The following CDKAL1 variants were observed in gnomAD, a reference collection of about 807,000 sequenced individuals.
CDKAL1 encodes the protein threonylcarbamoyladenosine tRNA methylthiotransferase.
CDKAL1 carries 32 observed loss-of-function variants against 68.2 expected under a neutral mutation model. The ratio of observed to expected loss-of-function variants is 0.47; its 90% CI spans 0.35 to 0.63. The LOEUF (loss-of-function observed/expected upper bound fraction) is 0.63. Among genes scored for constraint, CDKAL1 ranks in the 30% least tolerant of loss-of-function variants. CDKAL1 has a pLI of 0.00. For synonymous variants in CDKAL1, 234 were observed against 244.3 expected, an observed-to-expected ratio of 0.96 and a Z score of 0.39; for missense variants, 606 against 696.7, an observed-to-expected ratio of 0.87 and a Z score of 1.47.
chr6:20,883,573 C>T (rs985009652), intron 9 of CDKAL1, among the ~76,000 whole-genome samples: 5 of 152,194 alleles, frequency 3.3e-5, no homozygotes, highest in East Asian at 1.9e-4. Context: ...ACTAAATAGC[C>T]GCATGTGGCT....
At chr6:20,864,723 A>T (rs750976461) in intron 9 of CDKAL1, among the ~76,000 whole-genome samples, 23 of 152,210 alleles carry the variant, frequency 1.5e-4, no homozygotes, top group Non-Finnish European at 3.4e-4. Flanking sequence ...CAAATTGAAT[A>T]TCAGCTATTT....
At chr6:20,895,984 A>G (rs1761659478) in intron 9 of CDKAL1, among the ~76,000 whole-genome samples, 1 of 152,124 alleles carries the variant, frequency 6.6e-6, no homozygotes, top group African/African-American at 2.4e-5. Context: ...AATATGTAAA[A>G]CAAACATATA....
intron 10 of CDKAL1, among the ~76,000 whole-genome samples, chr6:20,982,484 A>G (rs1472311571): frequency 6.6e-6 from 1 of 152,158 alleles, no homozygotes; most frequent in Non-Finnish European, 1.5e-5. Flanking sequence ...GTAATTTACA[A>G]CACATTTGCT....
At chr6:21,193,576 C>G (rs534765486) in intron 13 of CDKAL1, among the ~76,000 whole-genome samples, 1 of 152,326 alleles carries the variant, frequency 6.6e-6, no homozygotes. Context: ...ATAGTCAGGT[C>G]TCTTTCATCT....
At chr6:20,813,194 A>T (rs114011648) in intron 8 of CDKAL1, among the ~76,000 whole-genome samples, 1,955 of 152,020 alleles carry the variant, frequency 0.013, 32 homozygotes, top group African/African-American at 0.045. Context: ...TGATCTCCCC[A>T]CTTTGGCCTC....
intron 9 of CDKAL1, among the ~76,000 whole-genome samples, chr6:20,875,325 A>AAAAG (rs1760455119): frequency 6.7e-6 from 1 of 149,754 alleles, no homozygotes; most frequent in South Asian, 2.1e-4. Flanking sequence ...AAAAAAAAAA[A>AAAAG]AAAAAAGTCT....
rs1000408818 is a variant in CDKAL1 at position 21,099,080 on chromosome 6, A to AC, written c.1237-9317dup. 1.1e-4 allele frequency among the ~76,000 whole-genome samples: 17 copies of AC among 152,040 alleles called. No individual in the cohort carries two copies. In the East Asian group the frequency reaches 3.3e-3, roughly 29 times the overall value. On this transcript the variant is annotated intron_variant, in intron 12 of 15. Coordinates refer to ENST00000274695, the MANE Select transcript of CDKAL1 (RefSeq NM_017774.3). ...CTCATCACCTGGAGAAATTTTTAAA[A>AC]CCCCAACTCCTGGGCTGCACCCTGT...
intron 13 of CDKAL1, among the ~76,000 whole-genome samples, chr6:21,114,267 A>G (rs1032709246): frequency 4.3e-5 from 6 of 140,216 alleles, no homozygotes; most frequent in South Asian, 2.3e-4. Context: ...AAAAAAAAAA[A>G]GCAGCAAAAG....
chr6:21,099,166 T>G (rs1223893802), intron 12 of CDKAL1, among the ~76,000 whole-genome samples: 3 of 152,176 alleles, frequency 2.0e-5, no homozygotes, highest in Non-Finnish European at 4.4e-5. Context: ...CCCCAGGTGA[T>G]TCCAATTTGC....
At chr6:20,597,961 A>G (rs888751917) in intron 4 of CDKAL1, among the ~76,000 whole-genome samples, 5 of 152,116 alleles carry the variant, frequency 3.3e-5, no homozygotes, top group Admixed American at 1.3e-4. Flanking sequence ...TTAAGTTTCC[A>G]CTACTGAGTG....
At chr6:21,010,903 G>A (rs1767974717) in intron 11 of CDKAL1, among the ~76,000 whole-genome samples, 1 of 151,298 alleles carries the variant, frequency 6.6e-6, no homozygotes, top group South Asian at 2.1e-4. Flanking sequence ...CTAACATGGT[G>A]AACCCTGTCT....
intron 10 of CDKAL1, among the ~76,000 whole-genome samples, chr6:20,960,863 C>T (rs879714571): frequency 2.0e-5 from 3 of 152,110 alleles, no homozygotes; most frequent in Non-Finnish European, 2.9e-5. Context: ...AATACTATAG[C>T]GATAGATAGT....
intron 4 of CDKAL1, among the ~76,000 whole-genome samples, chr6:20,634,539 G>T (rs1299394719): frequency 6.6e-6 from 1 of 152,208 alleles, no homozygotes; most frequent in South Asian, 2.1e-4. Context: ...TTATTGCAAT[G>T]GTCCAGGTGT....
intron 13 of CDKAL1, among the ~76,000 whole-genome samples, chr6:21,187,489 A>T (rs961001163): frequency 3.3e-5 from 5 of 152,218 alleles, no homozygotes; most frequent in Non-Finnish European, 5.9e-5. Context: ...AAGCTTTCTT[A>T]TGCCATAAAG....
chr6:21,117,281 A>G (rs1774462802), intron 13 of CDKAL1, among the ~76,000 whole-genome samples: 1 of 122,358 alleles, frequency 8.2e-6, no homozygotes, highest in African/African-American at 3.6e-5. Flanking sequence ...CAAATTTCAG[A>G]TAAATTGTTT....
intron 11 of CDKAL1, among the ~76,000 whole-genome samples, chr6:21,043,202 A>G (rs941308468): frequency 6.6e-6 from 1 of 152,206 alleles, no homozygotes; most frequent in Admixed American, 6.5e-5. Context: ...GTTATAGAGC[A>G]TAGAATGTCT....
chr6:20,664,709 G>T (rs931201653), intron 5 of CDKAL1, among the ~76,000 whole-genome samples: 49 of 152,178 alleles, frequency 3.2e-4, no homozygotes, highest in African/African-American at 1.1e-3. Flanking sequence ...TAAAAATAGG[G>T]AATAGAACTG....
intron 6 of CDKAL1, chr6:20,756,189 T>G (rs2150345486): frequency 6.6e-6 from 1 of 152,338 alleles, no homozygotes; most frequent in African/African-American, 2.4e-5. Context: ...CCTACTGCCT[T>G]TCTCTGCTCA....
At chr6:21,059,871 A>G (rs549125813) in intron 11 of CDKAL1, among the ~76,000 whole-genome samples, 2 of 152,054 alleles carry the variant, frequency 1.3e-5, no homozygotes, top group South Asian at 4.2e-4. Flanking sequence ...CAAGTAGTGA[A>G]CACTGTACCT....
Sources: gnomAD v4.1 joint callset for allele counts (sites outside exome capture counted in the v4.1 genomes callset) on GRCh38, gnomAD v4.1.1 for gene constraint, MANE v1.5 for transcripts, NCBI Gene and HGNC (gene_info 2026-07-23, HGNC 2026-07-21) for gene names.